Variants in ESR1 observed in about 807,000 individuals in gnomAD.
The protein encoded by ESR1 is estrogen receptor.
In ESR1, 12 loss-of-function variants were observed where a neutral mutation model predicts 52.7. The observed-to-expected ratio is 0.23, with a 90% CI of 0.15 to 0.37. The LOEUF is 0.37. Among genes scored for constraint, ESR1 ranks in the 10% least tolerant of loss-of-function variants. The pLI, the probability that ESR1 is intolerant of heterozygous loss-of-function variation, is 1.00. For missense variants in ESR1, 584 were observed against 779.7 expected (o/e 0.75, Z 2.99); for synonymous variants, 305 against 316.8 (o/e 0.96, Z 0.39).
At chr6:152,063,130 C>G (rs910913516) in intron 6 of ESR1, among the ~76,000 whole-genome samples, 1 of 152,166 alleles carries the variant, frequency 6.6e-6, no homozygotes, top group Non-Finnish European at 1.5e-5. Flanking sequence ...CTGTCTGCCT[C>G]CTTCTCAGAC....
At chr6:151,698,654 C>A (rs1245459619) in intron 1 of ESR1, among the ~76,000 whole-genome samples, 1 of 151,936 alleles carries the variant, frequency 6.6e-6, no homozygotes, top group Non-Finnish European at 1.5e-5. Flanking sequence ...AAGGCTAGAG[C>A]AACAATTTAA....
At chr6:151,820,938 A>G (rs1248556539) in intron 1 of ESR1, among the ~76,000 whole-genome samples, 1 of 152,214 alleles carries the variant, frequency 6.6e-6, no homozygotes. Context: ...GTAAAATTGT[A>G]GTGTAATTTG....
chr6:151,874,549 A>T (rs1791498203), intron 2 of ESR1, among the ~76,000 whole-genome samples: 1 of 152,226 alleles, frequency 6.6e-6, no homozygotes, highest in Non-Finnish European at 1.5e-5. Context: ...ATTGGGACAA[A>T]TTGATCTTCA....
chr6:151,805,709 A>G (rs1777735700), upstream of ESR1: 1 of 152,378 alleles, frequency 6.6e-6, no homozygotes, highest in Non-Finnish European at 1.5e-5. Flanking sequence ...TAGTTCACAC[A>G]CTGAGCCACT....
intron 6 of ESR1, among the ~76,000 whole-genome samples, chr6:152,111,067 T>C (rs550062719): frequency 2.6e-5 from 4 of 152,204 alleles, no homozygotes; most frequent in Admixed American, 2.0e-4. Context: ...GGTGGCACCC[T>C]CACTAGCAGC....
At chr6:152,002,223 G>GTGTGTGTGTGTGT (rs1554303868) in intron 4 of ESR1, among the ~76,000 whole-genome samples, 6 of 111,170 alleles carry the variant, frequency 5.4e-5, no homozygotes, top group South Asian at 5.9e-4. Context: ...TGTGTGTGTG[G>GTGTGTGTGTGTGT]AATATCTCAC....
chr6:152,107,912 C>G (rs2051084850), downstream of ESR1, among the ~76,000 whole-genome samples: 1 of 152,160 alleles, frequency 6.6e-6, no homozygotes, highest in East Asian at 1.9e-4. Flanking sequence ...TTGCCCCTAT[C>G]TCCACAGCTG....
At chr6:151,950,742 C>T (rs553728941) in intron 4 of ESR1, among the ~76,000 whole-genome samples, 7 of 152,192 alleles carry the variant, frequency 4.6e-5, no homozygotes, top group African/African-American at 1.2e-4. Flanking sequence ...GTGGACTCTC[C>T]CCCTCAGAGA....
intron 3 of ESR1, among the ~76,000 whole-genome samples, chr6:151,910,287 T>G (rs1584155175): frequency 1.3e-5 from 2 of 152,116 alleles, no homozygotes; most frequent in Admixed American, 6.5e-5. Flanking sequence ...ATGTGGCTGG[T>G]GGTTACTGGA....
chr6:151,897,973 C>G (rs1447943212), intron 3 of ESR1, among the ~76,000 whole-genome samples: 1 of 152,140 alleles, frequency 6.6e-6, no homozygotes, highest in Non-Finnish European at 1.5e-5. Flanking sequence ...TTGCTGGATA[C>G]AAAATTCTTG....
At chr6:151,959,090 G>A (rs1584479100) in intron 4 of ESR1, among the ~76,000 whole-genome samples, 1 of 152,172 alleles carries the variant, frequency 6.6e-6, no homozygotes, top group East Asian at 1.9e-4. Context: ...GGGAAGCCAG[G>A]ATGGGCATCT....
intron 6 of ESR1, among the ~76,000 whole-genome samples, chr6:152,077,573 G>A (rs907579206): frequency 4.7e-4 from 72 of 152,348 alleles, no homozygotes; most frequent in African/African-American, 1.7e-3. Flanking sequence ...ACGCCAGCCT[G>A]TGAAAGCAGT....
At chr6:151,725,813 A>C (rs1781795776) in intron 2 of ESR1, among the ~76,000 whole-genome samples, 1 of 152,230 alleles carries the variant, frequency 6.6e-6, no homozygotes, top group Non-Finnish European at 1.5e-5. Flanking sequence ...ATGAGTTGTG[A>C]AAAGTTAAAT....
chr6:151,881,021 T>C (rs1792826002), intron 3 of ESR1, among the ~76,000 whole-genome samples: 1 of 152,230 alleles, frequency 6.6e-6, no homozygotes, highest in Non-Finnish European at 1.5e-5. Context: ...ATAATTATAT[T>C]TTAAATCAAA....
intron 4 of ESR1, among the ~76,000 whole-genome samples, chr6:151,959,664 G>A (rs75949263): frequency 0.012 from 1,750 of 152,068 alleles, 41 homozygotes; most frequent in African/African-American, 0.04. Flanking sequence ...CACCCAGGAA[G>A]CCTGACACAT....
intron 1 of ESR1, among the ~76,000 whole-genome samples, chr6:151,699,332 A>G (rs1397873001): frequency 6.6e-6 from 1 of 152,206 alleles, no homozygotes; most frequent in African/African-American, 2.4e-5. Context: ...AGAATCTACT[A>G]TTACTGGGTA....
upstream of ESR1, among the ~76,000 whole-genome samples, chr6:151,687,066 T>C (rs1368166039): frequency 6.6e-6 from 1 of 152,214 alleles, no homozygotes; most frequent in East Asian, 1.9e-4. Context: ...GCTCATGACC[T>C]CAGTGCAGGT....
At chr6:152,003,507 A>AT (rs140819090) in intron 4 of ESR1, among the ~76,000 whole-genome samples, 175 of 152,098 alleles carry the variant, frequency 1.2e-3, no homozygotes, top group African/African-American at 3.9e-3. Context: ...TCATTTTCCC[A>AT]TGAAACAAGT....
chr6:151,988,951 T>C (rs1369159457), intron 4 of ESR1, among the ~76,000 whole-genome samples: 2 of 152,096 alleles, frequency 1.3e-5, no homozygotes, highest in Non-Finnish European at 2.9e-5. Context: ...TTTAAAAGAT[T>C]ACACACTGGC....
Sources: allele counts gnomAD v4.1 joint callset (sites outside exome capture counted in the v4.1 genomes callset), GRCh38; gene constraint gnomAD v4.1.1; transcripts MANE v1.5; gene names NCBI Gene and HGNC (gene_info 2026-07-23, HGNC 2026-07-21).